Variants in PRPSAP2 observed in about 807,000 individuals in gnomAD.
PRPSAP2 encodes phosphoribosyl pyrophosphate synthase-associated protein 2.
In PRPSAP2, 24 loss-of-function variants were observed where a neutral mutation model predicts 40.6. That is an observed-to-expected ratio of 0.59 (90% CI 0.43 to 0.83). The LOEUF (loss-of-function observed/expected upper bound fraction) is 0.83, where lower values mean the gene tolerates loss of function less well. PRPSAP2 is among the 40% of genes least tolerant of loss of function. PRPSAP2 has a pLI of 0.00. For missense variants in PRPSAP2, 292 were observed against 465.6 expected (o/e 0.63, Z 3.43); for synonymous variants, 149 against 164.7 (o/e 0.90, Z 0.73).
At chr17:18,886,650 G>A (rs112795111) in intron 7 of PRPSAP2, among the ~76,000 whole-genome samples, 6,810 of 151,908 alleles carry the variant, frequency 0.045, 200 homozygotes, top group Non-Finnish European at 0.067. Context: ...GAGCCACCGC[G>A]CCCAGCCAAC....
Position 18,885,481 on chromosome 17 carries a change from T to G in PRPSAP2, c.528+2798T>G, listed in dbSNP as rs2039072232. Among the ~76,000 whole-genome samples the G allele has an allele frequency of 1.3e-5, 2 of 151,946 alleles. 1 individual carries two copies. The highest frequency in any genetic ancestry group is 4.8e-5 in the African/African-American group (2 of 41,396). On this transcript the variant is annotated intron_variant, in intron 7 of 11. Transcript: ENST00000268835. ...AAGGAATTTTTGTGTATTGCTTTTT[T>G]CTTTTTTTTGGAGACAGTCTCTCTC...
chr17:18,912,233 C>T (rs533997997), intron 9 of PRPSAP2, among the ~76,000 whole-genome samples: 3,938 of 152,138 alleles, frequency 0.026, 83 homozygotes, highest in Middle Eastern at 0.051. Flanking sequence ...TGTCGAGGGC[C>T]TGTTCCTCGT....
At chr17:18,860,409 T>G (rs2036919413) in intron 1 of PRPSAP2, 1 of 152,258 alleles carries the variant, frequency 6.6e-6, no homozygotes, top group African/African-American at 2.4e-5. Flanking sequence ...CATTTGTTAA[T>G]CATTGTGACT....
intron 8 of PRPSAP2, among the ~76,000 whole-genome samples, chr17:18,892,369 A>T (rs953321999): frequency 2.6e-5 from 4 of 152,068 alleles, no homozygotes; most frequent in African/African-American, 9.7e-5. Flanking sequence ...TTGCTGGGTC[A>T]TATGGCAGTT....
intron 11 of PRPSAP2, 33 bp from the exon 12 acceptor site, chr17:18,930,507 T>C: frequency 1.3e-6 from 2 of 1,599,942 alleles, no homozygotes; most frequent in South Asian, 1.1e-5. Context: ...CTTGGCTTTC[T>C]GATGCTGTGG....
At chr17:18,926,800 GTGTT>G (rs1284268914) in intron 10 of PRPSAP2, among the ~76,000 whole-genome samples, 5 of 150,602 alleles carry the variant, frequency 3.3e-5, no homozygotes, top group Admixed American at 6.6e-5. Flanking sequence ...GTGTGTGTGT[GTGTT>G]TGTGTTTGTG....
intron 8 of PRPSAP2, chr17:18,908,656 G>A (rs898994519): frequency 4.2e-6 from 3 of 721,380 alleles, no homozygotes; most frequent in East Asian, 2.6e-5. Flanking sequence ...CTTCGCCAAC[G>A]AGTGCCCCAA....
At chr17:18,887,273 A>T (rs2085634963) in intron 7 of PRPSAP2, among the ~76,000 whole-genome samples, 2 of 150,866 alleles carry the variant, frequency 1.3e-5, no homozygotes, top group African/African-American at 4.9e-5. Flanking sequence ...TTTAATGAAA[A>T]GAATCATAGT....
chr17:18,924,035 GTTGA>G (rs145452716), intron 10 of PRPSAP2, 51 bp downstream of exon 10: 119,586 of 1,493,284 alleles, frequency 0.08, 5,699 homozygotes, highest in Middle Eastern at 0.11. Context: ...TTGTTATTCT[GTTGA>G]TTGATTGATT....
chr17:18,887,617 A>T (rs577185517), intron 7 of PRPSAP2, among the ~76,000 whole-genome samples: 2 of 152,192 alleles, frequency 1.3e-5, no homozygotes, highest in South Asian at 4.2e-4. Flanking sequence ...GGTCCTGAAA[A>T]TTTTGGATCT....
Position 18,889,874 on chromosome 17 carries a change from A to G in PRPSAP2, c.581A>G (p.Lys194Arg). ...GTGGCCAAGTCTCCAGCCTCGGCGA[A>G]GAGGTAGGTGGGAATCTCACAACCT... ...VIVAKSPASA[K>R]RAQSFAERLR... The change falls in exon 8 of 12, where the codon AAG becomes AGG. Residue 194 changes from lysine (K) to arginine (R), a missense_variant. Physicochemically the swap from Lys to Arg is conservative, Grantham distance 26 (BLOSUM62 2). Around this residue, in one of 2 missense-constraint regions of PRPSAP2, gnomAD observed 241 missense variants for 425.7 expected, o/e 0.57. Transcript: ENST00000268835. 1.2e-6 allele frequency: 2 copies of G among 1,611,226 alleles called. No individual in the cohort carries two copies. The highest frequency in any genetic ancestry group is 1.7e-6 in the Non-Finnish European group (2 of 1,178,396).
At chr17:18,915,976 C>T (rs1489409969) in intron 9 of PRPSAP2, among the ~76,000 whole-genome samples, 1 of 152,008 alleles carries the variant, frequency 6.6e-6, no homozygotes, top group East Asian at 1.9e-4. Context: ...CATGCCACCA[C>T]ACCCGGCTAA....
At chr17:18,898,528 A>C (rs8073436) in intron 8 of PRPSAP2, among the ~76,000 whole-genome samples, 2 of 152,034 alleles carry the variant, frequency 1.3e-5, no homozygotes, top group African/African-American at 4.8e-5. Flanking sequence ...GTTCCTTTTC[A>C]TTCTTGAAGG....
intron 8 of PRPSAP2, among the ~76,000 whole-genome samples, chr17:18,892,716 TG>T (rs1567708938): frequency 3.6e-4 from 35 of 97,966 alleles, no homozygotes; most frequent in African/African-American, 8.7e-4. Context: ...TGTGTGTGTG[TG>T]TGTGTGTGTG....
At chr17:18,863,725 C>T (rs980286002) in intron 1 of PRPSAP2, among the ~76,000 whole-genome samples, 6 of 150,314 alleles carry the variant, frequency 4.0e-5, no homozygotes, top group Non-Finnish European at 8.9e-5. Context: ...GTGGAGACAG[C>T]GTTTCGCCAT....
At chr17:18,890,370 A>G (rs958192318) in intron 8 of PRPSAP2, among the ~76,000 whole-genome samples, 1 of 151,696 alleles carries the variant, frequency 6.6e-6, no homozygotes, top group African/African-American at 2.4e-5. Context: ...AAGTTTCACC[A>G]TGTTGGTCAG....
chr17:18,873,864 T>TG (rs1181595373), intron 5 of PRPSAP2, among the ~76,000 whole-genome samples: 3 of 152,190 alleles, frequency 2.0e-5, no homozygotes, highest in African/African-American at 4.8e-5. Flanking sequence ...TCTGGCACTC[T>TG]GGAAGGGAGG....
intron 8 of PRPSAP2, chr17:18,908,283 A>G (rs1474065567): frequency 1.8e-5 from 14 of 774,292 alleles, no homozygotes; most frequent in Admixed American, 1.7e-4. Flanking sequence ...CAGCACGCCA[A>G]GGACACTCAT....
chr17:18,863,053 C>T (rs1304060314), intron 1 of PRPSAP2, among the ~76,000 whole-genome samples: 2 of 152,098 alleles, frequency 1.3e-5, no homozygotes, highest in Non-Finnish European at 2.9e-5. Flanking sequence ...ATCTCCTGAC[C>T]TCGTGATCCA....
Sources: allele counts gnomAD v4.1 joint callset (sites outside exome capture counted in the v4.1 genomes callset), GRCh38; gene constraint gnomAD v4.1.1; regional missense constraint gnomAD v4.1.1; transcripts MANE v1.5; gene names NCBI Gene and HGNC (gene_info 2026-07-23, HGNC 2026-07-21).